Variants in CDH13 observed in about 807,000 individuals in gnomAD.
CDH13 encodes the protein cadherin-13.
Under a neutral mutation model 63.8 loss-of-function variants are expected in CDH13, and 24 were observed. The ratio of observed to expected loss-of-function variants is 0.38; its 90% CI spans 0.27 to 0.53. CDH13 has a LOEUF of 0.53. Ranked by LOEUF, CDH13 falls within the 20% of genes least tolerant of loss-of-function variation. The pLI, the probability that CDH13 is intolerant of heterozygous loss-of-function variation, is 0.85. For synonymous variants in CDH13, 503 were observed against 355.3 expected, an observed-to-expected ratio of 1.42 and a Z score of -4.67; for missense variants, 1,049 against 903.1, an observed-to-expected ratio of 1.16 and a Z score of -2.07.
chr16:83,152,841 G>A (rs935768658), intron 4 of CDH13, among the ~76,000 whole-genome samples: 5 of 152,130 alleles, frequency 3.3e-5, no homozygotes, highest in African/African-American at 1.2e-4. Flanking sequence ...GATATAGATT[G>A]GGTCTTTAAT....
At position 83,771,647 on chromosome 16, in the gene CDH13, T is replaced by C. The variant is rs2150998869; in HGVS notation, c.1682-8321T>C. On this transcript the variant is annotated intron_variant, in intron 11 of 13. Coordinates refer to ENST00000567109, the MANE Select transcript of CDH13 (RefSeq NM_001257.5). ...TTCCCCCTCAAGACTTGCCATTGTA[T>C]GGCAGCAGGAGGGCTGCTTGCAAAA... Among the ~76,000 whole-genome samples the C allele has an allele frequency of 2.0e-5, 3 of 152,370 alleles. No homozygotes were observed. The South Asian group carries it at 6.2e-4, about 32-fold the overall frequency.
chr16:83,055,215 A>G (rs1365914545), intron 3 of CDH13, among the ~76,000 whole-genome samples: 1 of 152,088 alleles, frequency 6.6e-6, no homozygotes, highest in Non-Finnish European at 1.5e-5. Context: ...TTGAATGCAT[A>G]TATAAATCAG....
At chr16:83,096,449 T>C (rs758366751) in intron 3 of CDH13, among the ~76,000 whole-genome samples, 5 of 152,228 alleles carry the variant, frequency 3.3e-5, no homozygotes, top group Admixed American at 2.0e-4. Flanking sequence ...GTATCCTCTC[T>C]GTACCATAGC....
chr16:82,976,914 A>G (rs774357277), intron 2 of CDH13, among the ~76,000 whole-genome samples: 12 of 152,198 alleles, frequency 7.9e-5, no homozygotes, highest in Non-Finnish European at 1.5e-4. Context: ...AGTTGACAAA[A>G]GACAATGGCT....
At chr16:82,745,597 C>A (rs2034126233) in intron 1 of CDH13, among the ~76,000 whole-genome samples, 1 of 151,994 alleles carries the variant, frequency 6.6e-6, no homozygotes, top group African/African-American at 2.4e-5. Context: ...GAGCGAGACT[C>A]TGTCTCAAAA....
intron 1 of CDH13, among the ~76,000 whole-genome samples, chr16:82,660,855 T>C (rs1382622103): frequency 6.6e-6 from 1 of 152,056 alleles, no homozygotes; most frequent in Non-Finnish European, 1.5e-5. Flanking sequence ...GTAAAATATA[T>C]GTGGATGTTA....
intron 3 of CDH13, among the ~76,000 whole-genome samples, chr16:83,088,860 T>C (rs1483407510): frequency 3.9e-5 from 6 of 152,224 alleles, no homozygotes. Context: ...CAGAGATTTT[T>C]CAGCAACAAC....
chr16:82,808,211 AT>A (rs1304677925), intron 1 of CDH13, among the ~76,000 whole-genome samples: 1 of 151,940 alleles, frequency 6.6e-6, no homozygotes, highest in Non-Finnish European at 1.5e-5. Context: ...GCTCTTCCTA[AT>A]TTTTTTTAGA....
chr16:83,246,898 A>G (rs759597226), intron 5 of CDH13, among the ~76,000 whole-genome samples: 7 of 152,162 alleles, frequency 4.6e-5, no homozygotes, highest in Non-Finnish European at 1.0e-4. Flanking sequence ...CCTGCATGCT[A>G]AAATGCCCGT....
At chr16:83,307,929 C>T (rs143123597) in intron 5 of CDH13, among the ~76,000 whole-genome samples, 2,115 of 152,246 alleles carry the variant, frequency 0.014, 13 homozygotes, top group Non-Finnish European at 0.02. Context: ...TTTCCATGCT[C>T]ATTCAAAATA....
At position 83,526,508 on chromosome 16, in the gene CDH13, T is replaced by G. The variant is rs8056970; in HGVS notation, c.960+39853T>G. 2.9e-4 allele frequency among the ~76,000 whole-genome samples: 44 copies of G among 152,062 alleles called. 1 individual carries two copies. Among genetic ancestry groups the G allele is most frequent in the African/African-American group, 1.1e-3 (44 of 41,508 alleles). ...GCACAGTTCACAATAGGTTTTGCAC[T>G]CCTATCAGGATGTACTGCCATTGCT... On this transcript the variant is annotated intron_variant, in intron 7 of 13. Transcript: ENST00000567109.
intron 2 of CDH13, among the ~76,000 whole-genome samples, chr16:82,917,647 C>T (rs1391779779): frequency 6.6e-6 from 1 of 152,176 alleles, no homozygotes; most frequent in Non-Finnish European, 1.5e-5. Flanking sequence ...TACCATGGCT[C>T]ACGCCTGTAA....
At chr16:82,931,390 T>G (rs755932079) in intron 2 of CDH13, among the ~76,000 whole-genome samples, 8 of 152,232 alleles carry the variant, frequency 5.3e-5, no homozygotes, top group Non-Finnish European at 1.2e-4. Flanking sequence ...CCAGAAAGAC[T>G]TGGACTCACA....
intron 5 of CDH13, among the ~76,000 whole-genome samples, chr16:83,222,236 A>G (rs994575181): frequency 4.6e-5 from 7 of 152,174 alleles, no homozygotes; most frequent in Non-Finnish European, 7.4e-5. Flanking sequence ...TTTTGAGCCA[A>G]TTTCTTGGTC....
At chr16:82,918,608 A>C (rs2042065237) in intron 2 of CDH13, among the ~76,000 whole-genome samples, 1 of 150,662 alleles carries the variant, frequency 6.6e-6, no homozygotes, top group South Asian at 2.1e-4. Flanking sequence ...TCCCAGGTTC[A>C]AGCGCTCCTC....
chr16:82,879,535 A>G lies in CDH13; in HGVS notation c.157+21062A>G, dbSNP rs550158016. Among the ~76,000 whole-genome samples, 102 of 143,480 alleles carry G rather than the reference A, an allele frequency of 7.1e-4. 1 individual carries two copies. Among genetic ancestry groups the G allele is most frequent in the African/African-American group, 1.6e-3 (64 of 39,508 alleles). 94.1% of individuals were successfully genotyped at this position (143,480 alleles called of 152,430 possible). On this transcript the variant is annotated intron_variant, in intron 2 of 13. Transcript: ENST00000567109. Reference sequence around the variant, plus strand: ...TATTTATAGTATATTAATATTTAATATATACTATATAATATATACATATAT... The same window carrying G: ...TATTTATAGTATATTAATATTTAATGTATACTATATAATATATACATATAT...
chr16:83,570,757 ATATT>A (rs1242594443), intron 7 of CDH13, among the ~76,000 whole-genome samples: 2 of 143,510 alleles, frequency 1.4e-5, no homozygotes, highest in African/African-American at 5.1e-5. Flanking sequence ...TAAAAATTAT[ATATT>A]TATATATATG....
At chr16:82,780,994 TCTC>T (rs747852956) in intron 1 of CDH13, among the ~76,000 whole-genome samples, 7 of 152,248 alleles carry the variant, frequency 4.6e-5, no homozygotes, top group East Asian at 1.9e-4. Flanking sequence ...GCTGTCCTCT[TCTC>T]CTGCTGTCTG....
intron 1 of CDH13, among the ~76,000 whole-genome samples, chr16:82,634,483 G>C (rs1412298031): frequency 6.6e-6 from 1 of 152,228 alleles, no homozygotes; most frequent in East Asian, 1.9e-4. Flanking sequence ...ACTGCCATCA[G>C]CCGTCGGGCA....
Sources: allele counts gnomAD v4.1 joint callset (sites outside exome capture counted in the v4.1 genomes callset), GRCh38; gene constraint gnomAD v4.1.1; transcripts MANE v1.5; gene names NCBI Gene and HGNC (gene_info 2026-07-23, HGNC 2026-07-21).